PIK3R5: variants seen among roughly 807,000 people sequenced by gnomAD.
PIK3R5 encodes the protein phosphoinositide 3-kinase regulatory subunit 5.
Under a neutral mutation model 94.9 loss-of-function variants are expected in PIK3R5, and 32 were observed. The observed-to-expected ratio is 0.34, with a 90% confidence interval of 0.25 to 0.45. PIK3R5 has a LOEUF of 0.45. Ranked by LOEUF, PIK3R5 falls within the 20% of genes least tolerant of loss-of-function variation. The pLI is 1.00. For missense variants in PIK3R5, 853 were observed against 1,144.6 expected (o/e 0.75, Z 3.68); for synonymous variants, 443 against 479.4 (o/e 0.92, Z 0.99).
chr17:8,931,312 G>A (rs1017639975), intron 1 of PIK3R5, among the ~76,000 whole-genome samples: 1 of 152,114 alleles, frequency 6.6e-6, no homozygotes, highest in African/African-American at 2.4e-5. Flanking sequence ...CCCAAAAGAA[G>A]GGGTGCTTTC....
intron 1 of PIK3R5, among the ~76,000 whole-genome samples, chr17:8,943,463 C>T (rs2091221623): frequency 6.6e-6 from 1 of 151,860 alleles, no homozygotes; most frequent in Non-Finnish European, 1.5e-5. Context: ...TACTTGAGCA[C>T]ACATCTCTCA....
At chr17:8,886,349 A>G (rs2089856076) in intron 13 of PIK3R5, 27 bp from the exon 14 acceptor site, 3 of 1,603,278 alleles carry the variant, frequency 1.9e-6, no homozygotes, top group African/African-American at 1.3e-5. Context: ...CATGTACATC[A>G]GTGTGAACCT....
Position 8,955,356 on chromosome 17 carries a change from A to G in PIK3R5, c.-14+10240T>C, listed in dbSNP as rs2091452004. On this transcript the variant is annotated intron_variant, in intron 1 of 18. Coordinates refer to ENST00000447110, the MANE Select transcript of PIK3R5 (RefSeq NM_001142633.3). The surrounding 1 kb of genome is among the most constrained non-coding windows in gnomAD (Gnocchi z 4.4). ...ACAAAATGATTGGAAAGCTTCCCTCATTGGGAAGGGGATGAGTGAGGCAAG... is the reference window on the plus strand; with the variant it reads ...ACAAAATGATTGGAAAGCTTCCCTCGTTGGGAAGGGGATGAGTGAGGCAAG... Among the ~76,000 whole-genome samples the G allele has an allele frequency of 6.6e-6, 1 of 152,202 alleles. No homozygotes were observed. The highest frequency in any genetic ancestry group is 1.5e-5 in the Non-Finnish European group (1 of 68,020).
intron 1 of PIK3R5, among the ~76,000 whole-genome samples, chr17:8,930,109 G>A (rs143773655): frequency 5.9e-4 from 90 of 152,274 alleles, no homozygotes; most frequent in African/African-American, 2.0e-3. Context: ...ACATGTTAGA[G>A]CACTCCACCT....
intron 1 of PIK3R5, among the ~76,000 whole-genome samples, chr17:8,919,349 T>C (rs773811736): frequency 5.3e-5 from 8 of 152,236 alleles, no homozygotes; most frequent in Non-Finnish European, 1.0e-4. Flanking sequence ...TTTCAGTATC[T>C]TTCCAGGCAG....
Position 8,911,488 on chromosome 17 carries a change from G to A in PIK3R5, c.7C>T (p.Pro3Ser). The change falls in exon 2 of 19, where the codon CCA (proline) becomes TCA (serine). Residue 3 changes from proline to serine, a missense_variant. Physicochemically the swap from Pro to Ser is moderately conservative, Grantham distance 74. This residue lies in a region of PIK3R5 where 108 missense variants were observed against 170.1 expected (regional missense o/e 0.63). Coordinates refer to ENST00000447110, the MANE Select transcript of PIK3R5 (RefSeq NM_001142633.3). This position sits in a 1 kb window ranked among gnomAD's most constrained non-coding sequence, Gnocchi z 5.3. Reference protein sequence around the residue: MQPGATTCTEDRI... With the variant: MQSGATTCTEDRI... ...TCCTCCGTGCATGTCGTGGCCCCTG[G>A]CTGCATCCTGGGTCATCGCCTGCAT... 2 of 1,599,010 alleles carry A rather than the reference G, an allele frequency of 1.3e-6. No individual in the cohort carries two copies. The highest frequency in any genetic ancestry group is 1.7e-6 in the Non-Finnish European group (2 of 1,179,410).
intron 5 of PIK3R5, among the ~76,000 whole-genome samples, chr17:8,894,865 A>C (rs539823815): frequency 1.3e-5 from 2 of 149,702 alleles, no homozygotes; most frequent in East Asian, 4.0e-4. Flanking sequence ...TCAGAAGTGC[A>C]AGTCTCGGGG....
chr17:8,888,823 C>T lies in PIK3R5; in HGVS notation c.964G>A (p.Glu322Lys). The T allele has an allele frequency of 6.2e-7, 1 of 1,609,858 alleles. No individual in the cohort carries two copies. The highest frequency in any genetic ancestry group is 8.5e-7 in the Non-Finnish European group (1 of 1,179,994). ...LQPGILGDDE[E>K]EEEEEEEVEE... Reference sequence around the variant, plus strand: ...ACCTCCTCCTCCTCCTCTTCCTCCTCTTCATCATCTCCCAGGATCCCTGGC... The same window carrying T: ...ACCTCCTCCTCCTCCTCTTCCTCCTTTTCATCATCTCCCAGGATCCCTGGC... Residue 322 changes from glutamate (E) to lysine (K), a missense_variant, in exon 10 of 19, where the codon GAG becomes AAG. Physicochemically the swap from Glu to Lys is moderately conservative, Grantham distance 56. This residue lies in a region of PIK3R5 where 161 missense variants were observed against 249.5 expected (regional missense o/e 0.65). Transcript: ENST00000447110. The surrounding 1 kb of genome is among the most constrained non-coding windows in gnomAD (Gnocchi z 7.8).
rs548901442 is a variant in PIK3R5, at chr17:8,909,657, C to G, written c.104-483G>C. 2.6e-5 allele frequency among the ~76,000 whole-genome samples: 4 copies of G among 152,306 alleles called. No homozygotes were observed. Among genetic ancestry groups the G allele is most frequent in the African/African-American group, 7.2e-5 (3 of 41,564 alleles). The stretch of plus-strand genomic sequence containing the variant: ...GATCAACACTCAACCCTACCATGCC[C>G]CATCAAGACATAATGACAAATTCCC... On this transcript the variant is annotated intron_variant, in intron 2 of 18. Transcript: ENST00000447110. The surrounding 1 kb of genome is among the most constrained non-coding windows in gnomAD (Gnocchi z 4.3).
chr17:8,958,457 A>G (rs1304275058), intron 1 of PIK3R5, among the ~76,000 whole-genome samples: 2 of 151,432 alleles, frequency 1.3e-5, no homozygotes, highest in Non-Finnish European at 2.9e-5. Context: ...AGAGTACAAG[A>G]GTTTCCTTGC....
At chr17:8,895,201 CA>C (rs1249983120) in intron 5 of PIK3R5, among the ~76,000 whole-genome samples, 1 of 152,184 alleles carries the variant, frequency 6.6e-6, no homozygotes, top group Non-Finnish European at 1.5e-5. Flanking sequence ...CCATAGCTAC[CA>C]TAGCGGAGAC....
chr17:8,890,784 G>C lies in PIK3R5; in HGVS notation c.611C>G (p.Thr204Ser), dbSNP rs752244713. Residue 204 changes from threonine (T) to serine (S), a missense_variant, in exon 7 of 19, where the codon ACC (threonine) becomes AGC (serine). Physicochemically the swap from Thr to Ser is moderately conservative, Grantham distance 58. This residue lies in a region of PIK3R5 where 161 missense variants were observed against 249.5 expected (regional missense o/e 0.65). Coordinates refer to ENST00000447110, the MANE Select transcript of PIK3R5 (RefSeq NM_001142633.3). This position sits in a 1 kb window ranked among gnomAD's most constrained non-coding sequence, Gnocchi z 6.1. The part of the protein sequence containing the change: ...TTLLLHAFQA[T>S]FGAHCDVPGL... ...CGGGACGTCACAGTGGGCCCCAAAGGTGGCCTGGAAGGCGTGCAGGAGCAG... is the reference window on the plus strand; with the variant it reads ...CGGGACGTCACAGTGGGCCCCAAAGCTGGCCTGGAAGGCGTGCAGGAGCAG... 4.3e-6 allele frequency: 7 copies of C among 1,612,646 alleles called. No homozygotes were observed. In the South Asian group the frequency reaches 7.7e-5, roughly 18 times the overall value.
chr17:8,948,587 G>A (rs1432877791), intron 1 of PIK3R5, among the ~76,000 whole-genome samples: 2 of 152,148 alleles, frequency 1.3e-5, no homozygotes, highest in African/African-American at 4.8e-5. Flanking sequence ...TTAGTCAGAA[G>A]GGAAGTGCAC....
In PIK3R5 at chr17:8,890,631, G is replaced by A. The variant is rs2089998848; in HGVS notation, c.657+107C>T. ...CACCACCCTGCCATGTCACCTGGGT[G>A]CAGGAGACTAAGTGTACCCTGGAGA... On this transcript the variant is annotated intron_variant, in intron 7 of 18. Transcript: ENST00000447110. This position sits in a 1 kb window ranked among gnomAD's most constrained non-coding sequence, Gnocchi z 6.1. The A allele has an allele frequency of 1.0e-6, 1 of 978,358 alleles. No homozygotes were observed. The highest frequency in any genetic ancestry group is 1.6e-5 in the African/African-American group (1 of 61,352). The allele number at this position is 978,358 out of a possible 1,614,324, so 60.6% of individuals were successfully genotyped here. A position where few individuals can be genotyped will look rare whatever the true frequency, so the allele number is the denominator to read the frequency against.
Position 8,963,283 on chromosome 17 carries a change from A to C in PIK3R5, c.-14+2313T>G, listed in dbSNP as rs561038523. On this transcript the variant is annotated intron_variant, in intron 1 of 18. Transcript: ENST00000447110. Reference sequence around the variant, plus strand: ...ATCTTTGAAGAAAGGCCAAGTCAGCACAGCTTGAGTGCTCAGTGGAACCCA... The same window carrying C: ...ATCTTTGAAGAAAGGCCAAGTCAGCCCAGCTTGAGTGCTCAGTGGAACCCA... 7.2e-5 allele frequency among the ~76,000 whole-genome samples: 11 copies of C among 152,340 alleles called. No homozygotes were observed. In the South Asian group the frequency reaches 2.1e-3, roughly 29 times the overall value.
chr17:8,924,339 A>G (rs1354507472), intron 1 of PIK3R5, among the ~76,000 whole-genome samples: 1 of 150,508 alleles, frequency 6.6e-6, no homozygotes, highest in African/African-American at 2.5e-5. Context: ...TCAGCCTCCC[A>G]AAGTGCTGGG....
rs1460016445 is a variant in PIK3R5, at chr17:8,942,790, T to G, written c.-14+22806A>C. Among the ~76,000 whole-genome samples the G allele has an allele frequency of 3.3e-5, 5 of 151,984 alleles. No homozygotes were observed. In the East Asian group the frequency reaches 7.8e-4, roughly 24 times the overall value. The stretch of plus-strand genomic sequence containing the variant: ...CCGGCTAATTTTTTGTATTTTTTAG[T>G]AGAGAAGGGGTTTCACCGTGTTAGC... On this transcript the variant is annotated intron_variant, in intron 1 of 18. Transcript: ENST00000447110.
intron 5 of PIK3R5, among the ~76,000 whole-genome samples, chr17:8,901,809 A>G (rs1259180806): frequency 6.6e-6 from 1 of 152,126 alleles, no homozygotes; most frequent in Non-Finnish European, 1.5e-5. Flanking sequence ...ATTCCACCAA[A>G]TGACTTTGCC....
intron 1 of PIK3R5, among the ~76,000 whole-genome samples, chr17:8,964,672 C>T (rs1219395745): frequency 6.6e-6 from 1 of 152,178 alleles, no homozygotes; most frequent in Non-Finnish European, 1.5e-5. Flanking sequence ...GAGAGCCCTA[C>T]CTGCAGTCAG....
Sources: gnomAD v4.1 joint callset for allele counts (sites outside exome capture counted in the v4.1 genomes callset) on GRCh38, gnomAD v4.1.1 for gene constraint, gnomAD v4.1.1 regional missense constraint, Gnocchi (gnomAD v3.1) non-coding constraint, MANE v1.5 for transcripts, NCBI Gene and HGNC (gene_info 2026-07-23, HGNC 2026-07-21) for gene names.